CSNK2A2IP: variants seen among roughly 807,000 people sequenced by gnomAD.
CSNK2A2IP encodes the protein casein kinase 2 subunit alpha' interacting protein, also known as casein kinase II subunit alpha'-interacting protein.
At chr3:88,466,672 A>C in the CSNK2A2IP span, 1 of 1,211,250 alleles carries the variant, frequency 8.3e-7, no homozygotes, top group East Asian at 3.2e-5. Context: ...TGTCAATTCT[A>C]TCTCAAATAC....
At chr3:88,351,761 G>T in the CSNK2A2IP span, among the ~76,000 whole-genome samples, 1 of 152,046 alleles carries the variant, frequency 6.6e-6, no homozygotes, top group Non-Finnish European at 1.5e-5. Context: ...CTACAAAGAT[G>T]TATTTAATAC....
chr3:88,444,058 T>C, the CSNK2A2IP span, among the ~76,000 whole-genome samples: 5 of 152,068 alleles, frequency 3.3e-5, no homozygotes, highest in African/African-American at 1.2e-4. Context: ...AAGAAAATAT[T>C]GCATGGCTGT....
chr3:88,465,651 G>C, the CSNK2A2IP span: 4 of 1,231,628 alleles, frequency 3.2e-6, no homozygotes, highest in East Asian at 3.2e-5. Context: ...CCAAGCATCA[G>C]AACACACCTT....
the CSNK2A2IP span, among the ~76,000 whole-genome samples, chr3:88,462,114 CATATATATAT>C: frequency 7.0e-6 from 1 of 143,152 alleles, no homozygotes; most frequent in Non-Finnish European, 1.5e-5. Context: ...GAGTTTTTTT[CATATATATAT>C]ATATATATAT....
the CSNK2A2IP span, among the ~76,000 whole-genome samples, chr3:88,373,377 A>G: frequency 1.3e-5 from 2 of 151,534 alleles, no homozygotes; most frequent in Non-Finnish European, 1.5e-5. Context: ...CTCTAAAAAT[A>G]ATCAATGGAT....
At chr3:88,420,082 G>A in the CSNK2A2IP span, among the ~76,000 whole-genome samples, 1 of 152,128 alleles carries the variant, frequency 6.6e-6, no homozygotes, top group Non-Finnish European at 1.5e-5. Flanking sequence ...GTCTGAGATA[G>A]GGCTTGGATA....
At chr3:88,362,155 C>T in the CSNK2A2IP span, among the ~76,000 whole-genome samples, 6 of 152,018 alleles carry the variant, frequency 3.9e-5, no homozygotes, top group Non-Finnish European at 7.4e-5. Flanking sequence ...GTTCTTGGTG[C>T]TGGACATTCA....
the CSNK2A2IP span, among the ~76,000 whole-genome samples, chr3:88,452,583 AG>A: frequency 6.6e-6 from 1 of 152,168 alleles, no homozygotes; most frequent in Non-Finnish European, 1.5e-5. Flanking sequence ...AGTTCACTAC[AG>A]TAACATGTCT....
the CSNK2A2IP span, among the ~76,000 whole-genome samples, chr3:88,419,619 C>T: frequency 1.7e-3 from 254 of 152,216 alleles, 1 homozygote; most frequent in African/African-American, 5.9e-3. Flanking sequence ...TGGATATATA[C>T]TCAGTAATGG....
the CSNK2A2IP span, among the ~76,000 whole-genome samples, chr3:88,397,637 A>T: frequency 6.6e-6 from 1 of 152,240 alleles, no homozygotes; most frequent in East Asian, 1.9e-4. Flanking sequence ...AAAATTGAAA[A>T]TGAAATAGGG....
chr3:88,399,720 A>T, the CSNK2A2IP span: 1 of 152,264 alleles, frequency 6.6e-6, no homozygotes, highest in Non-Finnish European at 1.5e-5. Context: ...CTGAGCTGCC[A>T]CTCCAACTAC....
At chr3:88,446,098 CTTTTTTTCTTTCTTTCT>C in the CSNK2A2IP span, among the ~76,000 whole-genome samples, 1 of 74,308 alleles carries the variant, frequency 1.3e-5, no homozygotes, top group African/African-American at 5.8e-5. Context: ...TTCTTTCTTT[CTTTTTTTCTTTCTTTCT>C]TTTTTTTCTT....
chr3:88,358,824 G>C, the CSNK2A2IP span, among the ~76,000 whole-genome samples: 1 of 152,114 alleles, frequency 6.6e-6, no homozygotes, highest in African/African-American at 2.4e-5. Flanking sequence ...TGATTTTGGT[G>C]TCAGGGTAAT....
chr3:88,381,563 G>C, the CSNK2A2IP span, among the ~76,000 whole-genome samples: 1 of 152,200 alleles, frequency 6.6e-6, no homozygotes, highest in Non-Finnish European at 1.5e-5. Flanking sequence ...GCCTAGCCTT[G>C]ATGCTGTTAT....
chr3:88,425,208 T>A, the CSNK2A2IP span, among the ~76,000 whole-genome samples: 1 of 152,080 alleles, frequency 6.6e-6, no homozygotes, highest in East Asian at 1.9e-4. Flanking sequence ...TATATTACAA[T>A]ATAAATAATA....
chr3:88,450,100 C>G, the CSNK2A2IP span, among the ~76,000 whole-genome samples: 2 of 151,592 alleles, frequency 1.3e-5, no homozygotes, highest in South Asian at 4.2e-4. Flanking sequence ...AACTCCTGAC[C>G]TCAAGTGATC....
the CSNK2A2IP span, among the ~76,000 whole-genome samples, chr3:88,358,716 G>A: frequency 1.3e-5 from 2 of 152,106 alleles, no homozygotes; most frequent in African/African-American, 2.4e-5. Flanking sequence ...TCTTTTTACT[G>A]TGTTGTTGAA....
chr3:88,445,076 G>T, the CSNK2A2IP span, among the ~76,000 whole-genome samples: 6 of 151,938 alleles, frequency 3.9e-5, 1 homozygote, highest in Middle Eastern at 6.9e-3. Flanking sequence ...TAGATTGTCC[G>T]AGATGCTGTT....
the CSNK2A2IP span, among the ~76,000 whole-genome samples, chr3:88,462,032 G>C: frequency 6.6e-6 from 1 of 151,140 alleles, no homozygotes; most frequent in African/African-American, 2.4e-5. Flanking sequence ...TTGTGAAGTG[G>C]TTGTTCATGT....
Sources: allele counts gnomAD v4.1 joint callset (sites outside exome capture counted in the v4.1 genomes callset), GRCh38; gene constraint gnomAD v4.1.1; transcripts MANE v1.5; gene names NCBI Gene and HGNC (gene_info 2026-07-23, HGNC 2026-07-21).